TENM1: variants seen among roughly 807,000 people sequenced by gnomAD.
TENM1 encodes the protein teneurin transmembrane protein 1, also known as teneurin-1.
TENM1 carries 35 observed loss-of-function variants against 174.8 expected under a neutral mutation model. The observed-to-expected ratio is 0.20, with a 90% CI of 0.15 to 0.27. TENM1 has a LOEUF of 0.27. Ranked by LOEUF, TENM1 falls within the 10% of genes least tolerant of loss-of-function variation. TENM1 has a pLI of 1.00. For synonymous variants in TENM1, 781 were observed against 798.7 expected, an observed-to-expected ratio of 0.98 and a Z score of 0.37; for missense variants, 1,633 against 2,130.1, an observed-to-expected ratio of 0.77 and a Z score of 4.59.
chrX:124,974,462 C>A, the TENM1 span, among the ~76,000 whole-genome samples: 1 of 111,679 alleles, frequency 9.0e-6, no homozygotes, highest in Admixed American at 9.6e-5. Context: ...TGATTTGACT[C>A]AATTGCAAAA....
At chrX:124,841,481 A>G (rs1165980991) in intron 3 of TENM1, among the ~76,000 whole-genome samples, 2 of 111,435 alleles carry the variant, frequency 1.8e-5, no homozygotes, top group Non-Finnish European at 3.8e-5. Context: ...CAAGGCGCAG[A>G]GGAGTACCAA....
chrX:124,821,658 A>C (rs1330957775), intron 3 of TENM1, among the ~76,000 whole-genome samples: 1 of 112,275 alleles, frequency 8.9e-6, no homozygotes, highest in Non-Finnish European at 1.9e-5. Flanking sequence ...TCAGAAGAGC[A>C]GAGAATTCAG....
chrX:124,879,743 G>C (rs1198367118), intron 3 of TENM1, among the ~76,000 whole-genome samples: 3 of 112,314 alleles, frequency 2.7e-5, no homozygotes, highest in African/African-American at 9.7e-5. Flanking sequence ...CCAACAGTGT[G>C]TAAGAGTTCC....
At chrX:124,527,814 A>ATTTT (rs756753688) in intron 16 of TENM1, among the ~76,000 whole-genome samples, 57 of 86,672 alleles carry the variant, frequency 6.6e-4, no homozygotes, top group African/African-American at 2.4e-3. Flanking sequence ...ACGCCCAGCT[A>ATTTT]TTTTTTTTTT....
At chrX:125,164,816 G>A in the TENM1 span, among the ~76,000 whole-genome samples, 1 of 111,766 alleles carries the variant, frequency 8.9e-6, no homozygotes, top group Non-Finnish European at 1.9e-5. Context: ...ATCGTTGTAA[G>A]CACTGTTCTA....
At chrX:124,969,807 C>T in the TENM1 span, among the ~76,000 whole-genome samples, 1 of 111,913 alleles carries the variant, frequency 8.9e-6, no homozygotes, top group African/African-American at 3.2e-5. Flanking sequence ...GGAAAATCAC[C>T]TCCCCTTTCT....
chrX:124,644,869 C>T (rs7063857), intron 10 of TENM1, among the ~76,000 whole-genome samples: 12,633 of 110,712 alleles, frequency 0.11, 1,524 homozygotes, highest in African/African-American at 0.36. Flanking sequence ...TGGACATTCT[C>T]AACCTAGAAA....
At chrX:124,395,265 A>G (rs1287104616) in intron 27 of TENM1, among the ~76,000 whole-genome samples, 2 of 111,633 alleles carry the variant, frequency 1.8e-5, no homozygotes, top group African/African-American at 6.5e-5. Flanking sequence ...TTTAACATCT[A>G]TTGGCCACAT....
At chrX:124,673,054 CA>C in intron 5 of TENM1, among the ~76,000 whole-genome samples, 1 of 111,523 alleles carries the variant, frequency 9.0e-6, no homozygotes, top group Non-Finnish European at 1.9e-5. Context: ...TTTAAAGGAA[CA>C]GGAGGTTAAA....
At chrX:124,983,676 A>G in the TENM1 span, among the ~76,000 whole-genome samples, 1 of 111,526 alleles carries the variant, frequency 9.0e-6, no homozygotes, top group Admixed American at 9.5e-5. Context: ...GCTGGAGTGC[A>G]GTGGTATAAT....
intron 23 of TENM1, among the ~76,000 whole-genome samples, chrX:124,440,465 C>T (rs1156544951): frequency 9.0e-6 from 1 of 111,514 alleles, no homozygotes; most frequent in African/African-American, 3.3e-5. Flanking sequence ...TTTAATTAGC[C>T]TTCATAAGGA....
intron 1 of TENM1, among the ~76,000 whole-genome samples, chrX:124,940,840 C>T (rs1298426305): frequency 3.6e-5 from 4 of 111,457 alleles, no homozygotes; most frequent in South Asian, 3.8e-4. Context: ...TTCTCCAGGA[C>T]CTTGCTCCAT....
the TENM1 span, among the ~76,000 whole-genome samples, chrX:125,082,355 T>C: frequency 9.1e-6 from 1 of 110,330 alleles, no homozygotes; most frequent in Non-Finnish European, 1.9e-5. Flanking sequence ...ATGAATCAGA[T>C]CACCTGATTC....
At position 124,566,696 on chromosome X, in the gene TENM1, G is replaced by A. The variant is rs137897372; in HGVS notation, c.2078-1136C>T. On this transcript the variant is annotated intron_variant, in intron 11 of 31. Transcript: ENST00000422452. ...CCACAGATAGCAGAGTTATTTTTCA[G>A]TAGATGACAATATTCTTCTGATAAA... 5.5e-3 allele frequency among the ~76,000 whole-genome samples: 619 copies of A among 112,122 alleles called. 3 individuals are homozygous for A. The highest frequency in any genetic ancestry group is 0.01 in the Non-Finnish European group (538 of 53,177).
chrX:125,159,142 G>A, the TENM1 span, among the ~76,000 whole-genome samples: 2 of 111,532 alleles, frequency 1.8e-5, no homozygotes, highest in Admixed American at 1.9e-4. Context: ...GGTCATGGAG[G>A]TCCACACAGC....
At chrX:124,589,155 T>C (rs896224719) in intron 11 of TENM1, among the ~76,000 whole-genome samples, 3 of 109,356 alleles carry the variant, frequency 2.7e-5, no homozygotes, top group Non-Finnish European at 5.7e-5. Context: ...TCCACATCTA[T>C]TGAGATGGTC....
chrX:124,922,082 T>C (rs1296090130), intron 1 of TENM1, among the ~76,000 whole-genome samples: 1 of 111,295 alleles, frequency 9.0e-6, no homozygotes, highest in African/African-American at 3.3e-5. Flanking sequence ...TTCTCAAATA[T>C]TTTTTCACTG....
chrX:124,778,908 C>T (rs967147624), intron 3 of TENM1, among the ~76,000 whole-genome samples: 2 of 111,485 alleles, frequency 1.8e-5, no homozygotes, highest in Non-Finnish European at 1.9e-5. Flanking sequence ...TAATTAGCTG[C>T]CATTTATATT....
chrX:125,148,797 T>C, the TENM1 span, among the ~76,000 whole-genome samples: 1 of 111,891 alleles, frequency 8.9e-6, no homozygotes, highest in South Asian at 3.7e-4. Flanking sequence ...TAAAGTTCTG[T>C]CTAACATAAC....
Sources: allele counts gnomAD v4.1 joint callset (sites outside exome capture counted in the v4.1 genomes callset), GRCh38; gene constraint gnomAD v4.1.1; transcripts MANE v1.5; gene names NCBI Gene and HGNC (gene_info 2026-07-23, HGNC 2026-07-21).